VCPIP1: variants seen among roughly 807,000 people sequenced by gnomAD.
VCPIP1 encodes deubiquitinating protein VCPIP1.
VCPIP1 carries 8 observed loss-of-function variants against 85.0 expected under a neutral mutation model. The ratio of observed to expected loss-of-function variants is 0.09; its 90% CI spans 0.06 to 0.17. The LOEUF (loss-of-function observed/expected upper bound fraction) is 0.17. Among genes scored for constraint, VCPIP1 ranks in the 10% least tolerant of loss-of-function variants. The probability of loss-of-function intolerance (pLI) is 1.00; values close to 1 mark genes in which losing one functional copy is unlikely to be tolerated. For synonymous variants in VCPIP1, 543 were observed against 544.5 expected (o/e 1.00, Z 0.04); for missense variants, 1,070 against 1,486.3 (o/e 0.72, Z 4.61).
intron 2 of VCPIP1, 87 bp downstream of exon 2, chr8:66,651,371 T>C (rs1811052270): frequency 5.0e-6 from 5 of 1,009,946 alleles, no homozygotes; most frequent in Non-Finnish European, 7.0e-6. Context: ...TTTGAAAATA[T>C]TTTAGTAGAA....
intron 2 of VCPIP1, among the ~76,000 whole-genome samples, chr8:66,648,985 C>A (rs1165512918): frequency 1.3e-5 from 2 of 152,018 alleles, no homozygotes; most frequent in Non-Finnish European, 2.9e-5. Flanking sequence ...CATAGTGAGA[C>A]CTTGTCTCTA....
intron 2 of VCPIP1, among the ~76,000 whole-genome samples, 158 bp from the exon 3 acceptor site, chr8:66,635,530 G>A (rs1046333212): frequency 6.6e-6 from 1 of 152,074 alleles, no homozygotes; most frequent in African/African-American, 2.4e-5. Context: ...TTACAAAAAA[G>A]AACCACCGCC....
At chr8:66,650,059 CT>C (rs34674749) in intron 2 of VCPIP1, among the ~76,000 whole-genome samples, 10 of 147,510 alleles carry the variant, frequency 6.8e-5, no homozygotes, top group Admixed American at 1.4e-4. Context: ...GTAATAATGA[CT>C]TTTTTTTTTA....
At chr8:66,647,487 C>A (rs1392746328) in intron 2 of VCPIP1, among the ~76,000 whole-genome samples, 1 of 151,854 alleles carries the variant, frequency 6.6e-6, no homozygotes, top group African/African-American at 2.4e-5. Context: ...TCAAGAATAA[C>A]TATAAGATAC....
chr8:66,639,367 G>A (rs1244506537), intron 2 of VCPIP1, among the ~76,000 whole-genome samples: 15 of 144,750 alleles, frequency 1.0e-4, no homozygotes, highest in African/African-American at 3.1e-4. Context: ...GGGGTTGGGG[G>A]AAATGGTGTC....
In VCPIP1 at chr8:66,647,808, A is replaced by G. The variant is rs1297463283; in HGVS notation, c.2797+3650T>C. Among the ~76,000 whole-genome samples, 4 of 152,314 alleles carry G rather than the reference A, an allele frequency of 2.6e-5. No homozygotes were observed. In the South Asian group the frequency reaches 6.2e-4, roughly 24 times the overall value. The stretch of plus-strand genomic sequence containing the variant: ...AACCTTAACTCATACCCTGCAACAT[A>G]TTAAAAAATCAACTTGAAATGGATC... On this transcript the variant is annotated intron_variant, in intron 2 of 2. Coordinates refer to ENST00000310421, the MANE Select transcript of VCPIP1 (RefSeq NM_025054.5).
At chr8:66,651,595 C>T in intron 1 of VCPIP1, 51 bp from the exon 2 acceptor site, 1 of 1,492,856 alleles carries the variant, frequency 6.7e-7, no homozygotes, top group Non-Finnish European at 9.2e-7. Flanking sequence ...AGAGTTCCAT[C>T]CAGGGCTGCT....
intron 2 of VCPIP1, among the ~76,000 whole-genome samples, chr8:66,637,191 A>G (rs1810895848): frequency 6.6e-6 from 1 of 152,030 alleles, no homozygotes; most frequent in East Asian, 1.9e-4. Flanking sequence ...CTCTACAAAA[A>G]AAACAAAAGG....
intron 1 of VCPIP1, among the ~76,000 whole-genome samples, chr8:66,662,701 G>C (rs916244318): frequency 6.6e-6 from 1 of 151,332 alleles, no homozygotes; most frequent in Non-Finnish European, 1.5e-5. Context: ...TTTATTTTTT[G>C]AGACAGAGTC....
chr8:66,663,186 T>C (rs1050884703), intron 1 of VCPIP1, among the ~76,000 whole-genome samples: 2 of 152,098 alleles, frequency 1.3e-5, no homozygotes, highest in African/African-American at 4.8e-5. Flanking sequence ...TTACTATGTC[T>C]GGCAAACTAA....
rs192820036 is a variant in VCPIP1 at position 66,638,736 on chromosome 8, G to A, written c.2798-3364C>T. Among the ~76,000 whole-genome samples, 7 of 151,646 alleles carry A rather than the reference G, an allele frequency of 4.6e-5. No individual in the cohort carries two copies. The East Asian group carries it at 7.8e-4, about 17-fold the overall frequency. On this transcript the variant is annotated intron_variant, in intron 2 of 2. Coordinates refer to ENST00000310421, the MANE Select transcript of VCPIP1 (RefSeq NM_025054.5). ...AGAGTTTGCAGTGAGCCGAGATCAC[G>A]CCACTGCACTCCAGCCTGGGCGACA...
chr8:66,635,227 C>T lies in VCPIP1; in HGVS notation c.2943G>A (p.Glu981=). 6.2e-7 allele frequency: 1 copy of T among 1,614,222 alleles called. No individual in the cohort carries two copies. The highest frequency in any genetic ancestry group is 8.5e-7 in the Non-Finnish European group (1 of 1,180,052). The part of the protein sequence containing the change: ...IGPDVEDLVK[E]AVSQVRAEAT... ...CCTCTGCTCGAACCTGACTTACAGC[C>T]TCTTTAACTAAATCTTCAACATCAG... The change falls in exon 3 of 3, where the codon GAG becomes GAA. Residue 981 remains glutamate, a synonymous_variant. Transcript: ENST00000310421.
At chr8:66,664,217 A>C (rs1811184094) in intron 1 of VCPIP1, 32 bp downstream of exon 1, 1 of 1,511,150 alleles carries the variant, frequency 6.6e-7, no homozygotes, top group Non-Finnish European at 8.9e-7. Context: ...ATTTACAATT[A>C]AGATATACCA....
At chr8:66,644,002 C>G (rs1210195734) in intron 2 of VCPIP1, among the ~76,000 whole-genome samples, 2 of 151,430 alleles carry the variant, frequency 1.3e-5, no homozygotes, top group African/African-American at 4.8e-5. Context: ...TATGCCAATA[C>G]AGTTGATAAC....
At position 66,665,225 on chromosome 8, in the gene VCPIP1, G is replaced by T; in HGVS notation, c.1734C>A (p.His578Gln). ...TGTCATACTCCTTACCATCCCAAAAGTGTTTGAATCCACAACCACATTTGC... is the reference window on the plus strand; with the variant it reads ...TGTCATACTCCTTACCATCCCAAAATTGTTTGAATCCACAACCACATTTGC... ...TGGKCGCGFK[H>Q]FWDGKEYDNL... The change falls in exon 1 of 3, where the codon CAC becomes CAA. Residue 578 changes from histidine (H) to glutamine (Q), a missense_variant. His to Gln is a conservative substitution (Grantham distance 24). This residue lies in a region of VCPIP1 where 123 missense variants were observed against 156.3 expected (regional missense o/e 0.79). Coordinates refer to ENST00000310421, the MANE Select transcript of VCPIP1 (RefSeq NM_025054.5). This position sits in a 1 kb window ranked among gnomAD's most constrained non-coding sequence, Gnocchi z 4.3. 7 of 1,614,120 alleles carry T rather than the reference G, an allele frequency of 4.3e-6. No homozygotes were observed. Among genetic ancestry groups the T allele is most frequent in the Non-Finnish European group, 5.9e-6 (7 of 1,179,996 alleles).
chr8:66,659,103 A>C (rs1232241474), intron 1 of VCPIP1, among the ~76,000 whole-genome samples: 1 of 152,210 alleles, frequency 6.6e-6, no homozygotes, highest in Non-Finnish European at 1.5e-5. Flanking sequence ...TATAACACTA[A>C]GAAAAAATAA....
rs777679375 is a variant in VCPIP1, at chr8:66,666,906, G to A, written c.53C>T (p.Pro18Leu). 2 of 1,595,320 alleles carry A rather than the reference G, an allele frequency of 1.3e-6. No individual in the cohort carries two copies. The highest frequency in any genetic ancestry group is 1.9e-5 in the Admixed American group (1 of 53,464). Residue 18 changes from proline to leucine, a missense_variant, in exon 1 of 3, where the codon CCT becomes CTT. Physicochemically the swap from Pro to Leu is moderately conservative, Grantham distance 98. This residue lies in a region of VCPIP1 where 164 missense variants were observed against 158.6 expected (regional missense o/e 1.03). Coordinates refer to ENST00000310421, the MANE Select transcript of VCPIP1 (RefSeq NM_025054.5). The surrounding 1 kb of genome is among the most constrained non-coding windows in gnomAD (Gnocchi z 6.3). ...PPPLPPPPPPPEAPQTPSSLA... is the reference protein window; with the variant it reads ...PPPLPPPPPPLEAPQTPSSLA... ...GGACGACGGAGTCTGTGGAGCCTCAGGGGGAGGAGGTGGCGGCGGCAACGG... is the reference window on the plus strand; with the variant it reads ...GGACGACGGAGTCTGTGGAGCCTCAAGGGGAGGAGGTGGCGGCGGCAACGG...
intron 2 of VCPIP1, among the ~76,000 whole-genome samples, chr8:66,645,759 CAAA>C (rs1179669993): frequency 1.7e-5 from 1 of 57,482 alleles, no homozygotes; most frequent in African/African-American, 5.0e-5. Flanking sequence ...CCTGTCTCTA[CAAA>C]AAAAAAAAAA....
rs1810858204 is a variant in VCPIP1 at position 66,633,968 on chromosome 8, C to G, written c.*533G>C. ...TCAAGATATTTTCGCCAAGAAATCT[C>G]TATGAATGTGTTTACGTTCATAGAA... On this transcript the variant is annotated 3_prime_UTR_variant, in exon 3 of 3. Transcript: ENST00000310421. 6.6e-6 allele frequency: 1 copy of G among 152,210 alleles called. No homozygotes were observed. Among genetic ancestry groups the G allele is most frequent in the African/African-American group, 2.4e-5 (1 of 41,436 alleles). The allele number at this position is 152,210 out of a possible 1,614,324, so 9.4% of individuals were successfully genotyped here.
Sources: allele counts gnomAD v4.1 joint callset (sites outside exome capture counted in the v4.1 genomes callset), GRCh38; gene constraint gnomAD v4.1.1; regional missense constraint gnomAD v4.1.1; non-coding constraint Gnocchi (gnomAD v3.1); transcripts MANE v1.5; gene names NCBI Gene and HGNC (gene_info 2026-07-23, HGNC 2026-07-21).